Variants in RASA1 observed in about 807,000 individuals in gnomAD.
The protein encoded by RASA1 is RAS p21 protein activator 1.
A neutral mutation model predicts 132.2 loss-of-function variants in RASA1; 25 were observed. The observed-to-expected ratio is 0.19, with a 90% confidence interval of 0.14 to 0.26. The LOEUF (loss-of-function observed/expected upper bound fraction) is 0.26. Ranked by LOEUF, RASA1 falls within the 10% of genes least tolerant of loss-of-function variation. RASA1 has a pLI of 1.00. For synonymous variants in RASA1, 477 were observed against 449.9 expected (o/e 1.06, Z -0.76); for missense variants, 964 against 1,299.2 (o/e 0.74, Z 3.97).
At chr5:87,309,461 A>C (rs1298306875) in intron 1 of RASA1, among the ~76,000 whole-genome samples, 1 of 152,116 alleles carries the variant, frequency 6.6e-6, no homozygotes, top group East Asian at 1.9e-4. Flanking sequence ...ATGGTAATAC[A>C]CACAGTGTGT....
intron 1 of RASA1, among the ~76,000 whole-genome samples, chr5:87,270,135 G>C (rs957299884): frequency 2.6e-5 from 4 of 151,196 alleles, no homozygotes; most frequent in Admixed American, 1.3e-4. Context: ...CTAGCTACTT[G>C]GGAGGCTGAG....
intron 1 of RASA1, among the ~76,000 whole-genome samples, chr5:87,315,162 C>G (rs1756230010): frequency 6.6e-6 from 1 of 152,180 alleles, no homozygotes; most frequent in Non-Finnish European, 1.5e-5. Flanking sequence ...CAGGCAAAAA[C>G]TTCAGTCTTA....
At chr5:87,356,188 A>G (rs1034430305) in intron 9 of RASA1, among the ~76,000 whole-genome samples, 2 of 152,166 alleles carry the variant, frequency 1.3e-5, no homozygotes, top group African/African-American at 4.8e-5. Flanking sequence ...GTAAAATGGT[A>G]TCAAACAGCA....
intron 5 of RASA1, among the ~76,000 whole-genome samples, chr5:87,340,419 GT>G (rs967149949): frequency 1.5e-4 from 22 of 146,136 alleles, no homozygotes; most frequent in South Asian, 6.5e-4. Flanking sequence ...CATTTTTATA[GT>G]TTTTTTTTTT....
chr5:87,345,978 A>C (rs1382448169), intron 6 of RASA1, among the ~76,000 whole-genome samples: 2 of 152,142 alleles, frequency 1.3e-5, no homozygotes, highest in African/African-American at 2.4e-5. Flanking sequence ...AATCAGATAT[A>C]TCCTTTTATT....
chr5:87,333,611 A>G (rs1276365814), intron 4 of RASA1, among the ~76,000 whole-genome samples: 2 of 152,224 alleles, frequency 1.3e-5, no homozygotes, highest in African/African-American at 2.4e-5. Flanking sequence ...TTCTGCTTCA[A>G]TCTATATGCT....
chr5:87,389,216 A>G, intron 23 of RASA1, 177 bp from the exon 24 acceptor site: 1 of 637,720 alleles, frequency 1.6e-6, no homozygotes, highest in Non-Finnish European at 2.6e-6. Context: ...CTGTAATCCC[A>G]GCTACTTGGG....
chr5:87,274,949 A>G (rs981327602), intron 1 of RASA1, among the ~76,000 whole-genome samples: 2 of 152,198 alleles, frequency 1.3e-5, no homozygotes, highest in Non-Finnish European at 1.5e-5. Context: ...GTTGACGGTG[A>G]TGTCTGTAGT....
chr5:87,350,165 C>A (rs574261992), intron 8 of RASA1, among the ~76,000 whole-genome samples: 35 of 151,772 alleles, frequency 2.3e-4, no homozygotes, highest in East Asian at 1.5e-3. Context: ...CTGAAAAAAA[C>A]CAAAAAACAA....
At chr5:87,313,120 G>C (rs372551651) in intron 1 of RASA1, among the ~76,000 whole-genome samples, 3 of 152,328 alleles carry the variant, frequency 2.0e-5, no homozygotes, top group African/African-American at 4.8e-5. Context: ...TGGGAGTTCA[G>C]AGTAGGGGAG....
At chr5:87,373,812 T>A (rs1190903623) in intron 13 of RASA1, among the ~76,000 whole-genome samples, 1 of 152,098 alleles carries the variant, frequency 6.6e-6, no homozygotes, top group East Asian at 1.9e-4. Flanking sequence ...GTAGTGACAG[T>A]TGTTTACTTA....
rs1753660731 is a variant in RASA1 at position 87,268,424 on chromosome 5, GGTAGGGCAGA to G, written c.-23_-14del. ...GCCCCTGGGGCTCCCGGGCGGGCAGGGTAGGGCAGAGTAGAGCGGGCTTCAACATGATGGC... is the reference window on the plus strand; with the variant it reads ...GCCCCTGGGGCTCCCGGGCGGGCAGGGTAGAGCGGGCTTCAACATGATGGC... On this transcript the variant is annotated 5_prime_UTR_variant, in exon 1 of 25. Coordinates refer to ENST00000274376, the MANE Select transcript of RASA1 (RefSeq NM_002890.3). 6.6e-7 allele frequency: 1 copy of G among 1,524,176 alleles called. No homozygotes were observed. The highest frequency in any genetic ancestry group is 8.8e-7 in the Non-Finnish European group (1 of 1,132,652). 94.4% of individuals were successfully genotyped at this position (1,524,176 alleles called of 1,614,324 possible). A position where few individuals can be genotyped will look rare whatever the true frequency, so the allele number is the denominator to read the frequency against.
intron 1 of RASA1, among the ~76,000 whole-genome samples, chr5:87,330,231 T>C (rs1324531679): frequency 6.6e-6 from 1 of 152,094 alleles, no homozygotes; most frequent in Admixed American, 6.6e-5. Context: ...TTTTAAAAAT[T>C]AAGGAGTCAA....
chr5:87,304,464 T>C (rs1755516058), intron 1 of RASA1, among the ~76,000 whole-genome samples: 1 of 151,946 alleles, frequency 6.6e-6, no homozygotes, highest in African/African-American at 2.4e-5. Flanking sequence ...GCATGTTTAT[T>C]ATACACTTTT....
chr5:87,386,713 G>A (rs1762086298), intron 22 of RASA1, 113 bp from the exon 23 acceptor site: 4 of 842,046 alleles, frequency 4.8e-6, no homozygotes, highest in East Asian at 2.5e-5. Flanking sequence ...TATTAATTTG[G>A]TGCAATAGTA....
At chr5:87,360,413 A>G (rs1759997208) in intron 9 of RASA1, among the ~76,000 whole-genome samples, 1 of 152,174 alleles carries the variant, frequency 6.6e-6, no homozygotes, top group Non-Finnish European at 1.5e-5. Context: ...CGTGAGCAAA[A>G]TGCAGTACTT....
intron 4 of RASA1, among the ~76,000 whole-genome samples, chr5:87,335,426 T>G (rs971810324): frequency 4.2e-5 from 6 of 142,036 alleles, no homozygotes; most frequent in Admixed American, 1.4e-4. Flanking sequence ...GAGGTTTTTT[T>G]TTTTTTTTTT....
chr5:87,321,826 C>T (rs949690002), intron 1 of RASA1, among the ~76,000 whole-genome samples: 2 of 152,122 alleles, frequency 1.3e-5, no homozygotes, highest in Non-Finnish European at 2.9e-5. Flanking sequence ...AATGGGAAGA[C>T]CCCCCATAGG....
Position 87,390,953 on chromosome 5 carries a change from T to G in RASA1, c.*70T>G, listed in dbSNP as rs1224760023. On this transcript the variant is annotated 3_prime_UTR_variant, in exon 25 of 25. Transcript: ENST00000274376. ...TGGTAATTCACTTCAGTTTAATGTC[T>G]CCTTTGCTCTTGCCAAAAAATAGCA... 4 of 1,465,410 alleles carry G rather than the reference T, an allele frequency of 2.7e-6. No individual in the cohort carries two copies. The highest frequency in any genetic ancestry group is 3.8e-6 in the Non-Finnish European group (4 of 1,046,930). 90.8% of individuals were successfully genotyped at this position (1,465,410 alleles called of 1,614,324 possible).
Sources: gnomAD v4.1 joint callset for allele counts (sites outside exome capture counted in the v4.1 genomes callset) on GRCh38, gnomAD v4.1.1 for gene constraint, MANE v1.5 for transcripts, NCBI Gene and HGNC (gene_info 2026-07-23, HGNC 2026-07-21) for gene names.